CEP41: variants seen among roughly 807,000 people sequenced by gnomAD.
CEP41 encodes the protein centrosomal protein 41.
Under a neutral mutation model 44.3 loss-of-function variants are expected in CEP41, and 32 were observed. The observed-to-expected ratio is 0.72, with a 90% CI of 0.54 to 0.97. The LOEUF (loss-of-function observed/expected upper bound fraction) is 0.97, where lower values mean the gene tolerates loss of function less well. Ranked by LOEUF, CEP41 falls within the 50% of genes least tolerant of loss-of-function variation. The pLI is 0.00. For synonymous variants in CEP41, 151 were observed against 168.5 expected (o/e 0.90, Z 0.80); for missense variants, 432 against 455.2 (o/e 0.95, Z 0.46).
At chr7:130,419,305 T>G in intron 2 of CEP41, 1 of 985,436 alleles carries the variant, frequency 1.0e-6, no homozygotes, top group East Asian at 1.1e-4. Flanking sequence ...TTCCTTGCTT[T>G]AATTGGACAA....
upstream of CEP41, chr7:130,441,157 C>T: frequency 2.8e-6 from 2 of 717,156 alleles, no homozygotes; most frequent in Non-Finnish European, 5.0e-6. Flanking sequence ...AGACGCCGCT[C>T]AATGGTTGCC....
rs192901092 is a variant in CEP41, at chr7:130,406,989, T to A, written c.278-2281A>T. 9.9e-4 allele frequency among the ~76,000 whole-genome samples: 150 copies of A among 151,118 alleles called. 1 individual carries two copies. In the East Asian group the frequency reaches 0.021, roughly 21 times the overall value. On this transcript the variant is annotated intron_variant, in intron 5 of 10. Coordinates refer to ENST00000223208, the MANE Select transcript of CEP41 (RefSeq NM_018718.3). ...ATAATAAAAAAAAGTATATAAAAAA[T>A]ATATATATATACTCTCCAAGAAATG...
chr7:130,438,790 T>A (rs1798052493), intron 1 of CEP41, among the ~76,000 whole-genome samples: 1 of 152,162 alleles, frequency 6.6e-6, no homozygotes, highest in South Asian at 2.1e-4. Flanking sequence ...ACCCCCATGA[T>A]ACACAATATT....
chr7:130,438,307 C>T (rs1353864846), intron 1 of CEP41, among the ~76,000 whole-genome samples: 3 of 152,054 alleles, frequency 2.0e-5, no homozygotes, highest in Non-Finnish European at 4.4e-5. Context: ...CCTGTAATAC[C>T]AGCACTTTGG....
At chr7:130,408,115 G>T (rs1205460713) in intron 5 of CEP41, among the ~76,000 whole-genome samples, 2 of 152,022 alleles carry the variant, frequency 1.3e-5, no homozygotes, top group African/African-American at 4.8e-5. Flanking sequence ...GGAAGTATCA[G>T]TATATTAAAC....
intron 1 of CEP41, among the ~76,000 whole-genome samples, chr7:130,433,816 T>C (rs1472998154): frequency 3.9e-5 from 6 of 152,220 alleles, no homozygotes; most frequent in African/African-American, 7.2e-5. Flanking sequence ...CTCTATCTTG[T>C]AGATCTCTGT....
chr7:130,428,910 C>CAAAAAAA (rs555010636), intron 1 of CEP41, among the ~76,000 whole-genome samples: 1 of 146,454 alleles, frequency 6.8e-6, no homozygotes, highest in African/African-American at 2.5e-5. Context: ...GACTCTGTCT[C>CAAAAAAA]AAAAAAATAA....
intron 1 of CEP41, among the ~76,000 whole-genome samples, chr7:130,437,764 C>CAAAAAAAAAAAAAAAAAA (rs1171735164): frequency 4.9e-4 from 16 of 32,384 alleles, no homozygotes; most frequent in East Asian, 2.3e-3. Flanking sequence ...AAGACTGTCT[C>CAAAAAAAAAAAAAAAAAA]AAAAAAAAAA....
At chr7:130,416,462 G>A (rs1797338717) in intron 3 of CEP41, among the ~76,000 whole-genome samples, 1 of 152,184 alleles carries the variant, frequency 6.6e-6, no homozygotes. Flanking sequence ...AATTGATAAT[G>A]CATAACACTA....
In CEP41 at chr7:130,395,012, G is replaced by A. The variant is rs548540442; in HGVS notation, c.*3879C>T. 2 of 454,048 alleles carry A rather than the reference G, an allele frequency of 4.4e-6. No individual in the cohort carries two copies. Among genetic ancestry groups the A allele is most frequent in the African/African-American group, 4.0e-5 (2 of 50,090 alleles). The allele number at this position is 454,048 out of a possible 1,614,324, so 28.1% of individuals were successfully genotyped here. ...CAGCAACAGAGAGGGGAGCCATCAGGGGATCACAATGTGACAGACACCGTT... is the reference window on the plus strand; with the variant it reads ...CAGCAACAGAGAGGGGAGCCATCAGAGGATCACAATGTGACAGACACCGTT... On this transcript the variant is annotated 3_prime_UTR_variant, in exon 11 of 11. Coordinates refer to ENST00000223208, the MANE Select transcript of CEP41 (RefSeq NM_018718.3).
At chr7:130,434,291 T>C (rs1253534934) in intron 1 of CEP41, among the ~76,000 whole-genome samples, 3 of 152,202 alleles carry the variant, frequency 2.0e-5, no homozygotes, top group African/African-American at 7.2e-5. Flanking sequence ...TTACATATGC[T>C]ATGTGAATTA....
Position 130,404,680 on chromosome 7 carries a change from A to G in CEP41, c.306T>C (p.Asp102=). ...EDNDSAASDP[D]AETTARTNGK... ...CATTGGTCCTGGCAGTGGTTTCAGC[A>G]TCAGGGTCTGAAGCTGCAGAATCAT... Residue 102 remains aspartate (D), a synonymous_variant, in exon 6 of 11, where the codon GAT becomes GAC. Transcript: ENST00000223208. The G allele has an allele frequency of 2.5e-6, 4 of 1,611,816 alleles. No individual in the cohort carries two copies. The highest frequency in any genetic ancestry group is 3.4e-6 in the Non-Finnish European group (4 of 1,177,860).
chr7:130,400,405 G>A (rs1796806816), intron 9 of CEP41, 151 bp from the exon 10 acceptor site: 3 of 694,694 alleles, frequency 4.3e-6, no homozygotes, highest in Non-Finnish European at 7.8e-6. Flanking sequence ...TCATCATTAA[G>A]CAAATTATAC....
At chr7:130,409,140 A>T (rs140622833) in intron 5 of CEP41, among the ~76,000 whole-genome samples, 46 of 152,372 alleles carry the variant, frequency 3.0e-4, no homozygotes, top group African/African-American at 1.1e-3. Flanking sequence ...AACATTATAA[A>T]AGGAGATTTT....
chr7:130,426,091 A>G (rs1554423414), intron 2 of CEP41, among the ~76,000 whole-genome samples: 1 of 152,256 alleles, frequency 6.6e-6, no homozygotes, highest in Non-Finnish European at 1.5e-5. Context: ...AAATGTCAAT[A>G]TCACAGTTGT....
intron 1 of CEP41, among the ~76,000 whole-genome samples, chr7:130,434,348 AT>A (rs756935576): frequency 6.6e-6 from 1 of 152,128 alleles, no homozygotes; most frequent in African/African-American, 2.4e-5. Flanking sequence ...AAGTAAATAT[AT>A]TTTTTTTAAA....
At chr7:130,411,506 A>C (rs1191267307) in intron 4 of CEP41, among the ~76,000 whole-genome samples, 3 of 152,242 alleles carry the variant, frequency 2.0e-5, no homozygotes, top group Non-Finnish European at 4.4e-5. Context: ...CAAGCACTAC[A>C]CATTATTTCT....
Position 130,404,605 on chromosome 7 carries a change from G to C in CEP41, c.381C>G (p.Asn127Lys). The change falls in exon 6 of 11, where the codon AAC (asparagine) becomes AAG (lysine). Residue 127 changes from asparagine (N) to lysine (K), a missense_variant. Asn to Lys is a moderately conservative substitution (Grantham distance 94). Coordinates refer to ENST00000223208, the MANE Select transcript of CEP41 (RefSeq NM_018718.3). ...GGCTGGAGTCCCCTGCTCCTGCGTT[G>C]TTTATGAACTGCTCAGGGCTCGGCG... is the stretch of plus-strand genomic sequence containing the variant. ...EQSPSPEQFI[N>K]NAGAGDSSRS... 1 of 1,613,886 alleles carries C rather than the reference G, an allele frequency of 6.2e-7. No homozygotes were observed. The highest frequency in any genetic ancestry group is 8.5e-7 in the Non-Finnish European group (1 of 1,179,768).
At chr7:130,430,587 A>C (rs1319636819) in intron 1 of CEP41, among the ~76,000 whole-genome samples, 1 of 152,224 alleles carries the variant, frequency 6.6e-6, no homozygotes, top group Non-Finnish European at 1.5e-5. Context: ...CAAAGATTGA[A>C]AAGCCAGACT....
Sources: gnomAD v4.1 joint callset for allele counts (sites outside exome capture counted in the v4.1 genomes callset) on GRCh38, gnomAD v4.1.1 for gene constraint, MANE v1.5 for transcripts, NCBI Gene and HGNC (gene_info 2026-07-23, HGNC 2026-07-21) for gene names.